SLC8A1: variants seen among roughly 807,000 people sequenced by gnomAD.
SLC8A1 encodes sodium/calcium exchanger 1.
In SLC8A1, 18 loss-of-function variants were observed where a neutral mutation model predicts 68.3. That is an observed-to-expected ratio of 0.26 (90% CI 0.18 to 0.39). SLC8A1 has a LOEUF of 0.39. Ranked by LOEUF, SLC8A1 falls within the 10% of genes least tolerant of loss-of-function variation. SLC8A1 has a pLI of 1.00. For synonymous variants in SLC8A1, 475 were observed against 415.5 expected (o/e 1.14, Z -1.74); for missense variants, 985 against 1,156.7 (o/e 0.85, Z 2.15).
intron 2 of SLC8A1, among the ~76,000 whole-genome samples, chr2:40,271,843 C>G (rs2066070587): frequency 6.6e-6 from 1 of 152,014 alleles, no homozygotes; most frequent in Non-Finnish European, 1.5e-5. Flanking sequence ...TTACTGATGA[C>G]CAAAGTTTAT....
intron 4 of SLC8A1, 51 bp downstream of exon 6, chr2:40,174,655 G>A (rs1289046279): frequency 7.0e-7 from 1 of 1,427,424 alleles, no homozygotes; most frequent in Non-Finnish European, 9.7e-7. Context: ...TTGGATTGAT[G>A]GTTAAGGGTA....
At chr2:40,244,751 C>T (rs2061643739) in intron 2 of SLC8A1, among the ~76,000 whole-genome samples, 1 of 152,094 alleles carries the variant, frequency 6.6e-6, no homozygotes, top group African/African-American at 2.4e-5. Context: ...CCCCAGTCAG[C>T]CTTGGGGAGA....
At position 40,327,591 on chromosome 2, in the gene SLC8A1, A is replaced by AC. The variant is rs1378098471; in HGVS notation, c.1808+100881dup. On this transcript the variant is annotated intron_variant, in intron 2 of 7. Transcript: ENST00000406785. ...GAATACTATGCAACCATAAAAAAAAACATGTTCTTTGCAGCAACATGGATG... is the reference window on the plus strand; with the variant it reads ...GAATACTATGCAACCATAAAAAAAAACCATGTTCTTTGCAGCAACATGGATG... Among the ~76,000 whole-genome samples, 16 of 152,222 alleles carry AC rather than the reference A, an allele frequency of 1.1e-4. 1 individual carries two copies. The East Asian group carries it at 2.9e-3, about 28-fold the overall frequency.
At chr2:40,373,055 T>TC (rs11385043) in intron 2 of SLC8A1, among the ~76,000 whole-genome samples, 107,606 of 151,728 alleles carry the variant, frequency 0.71, 39,173 homozygotes, top group African/African-American at 0.87. Flanking sequence ...TCAAACTATG[T>TC]CCTAGCCATA....
intron 1 of SLC8A1, among the ~76,000 whole-genome samples, chr2:40,463,643 G>A (rs927161701): frequency 2.0e-4 from 30 of 152,074 alleles, no homozygotes; most frequent in African/African-American, 7.2e-4. Flanking sequence ...GCTATCCCTT[G>A]TCTGGGGTCT....
intron 2 of SLC8A1, among the ~76,000 whole-genome samples, chr2:40,219,888 T>A (rs2058064547): frequency 4.0e-5 from 1 of 25,248 alleles, no homozygotes; most frequent in South Asian, 9.1e-4. Flanking sequence ...TTTTTTTTTT[T>A]TTTTTTTTTT....
At chr2:40,219,666 A>ATAAG (rs1207074417) in intron 2 of SLC8A1, among the ~76,000 whole-genome samples, 1 of 152,200 alleles carries the variant, frequency 6.6e-6, no homozygotes, top group Non-Finnish European at 1.5e-5. Context: ...TTTTATTCTA[A>ATAAG]TAAGTTGTTA....
At chr2:40,132,188 A>G (rs986744277) in intron 7 of SLC8A1, among the ~76,000 whole-genome samples, 1 of 152,190 alleles carries the variant, frequency 6.6e-6, no homozygotes, top group Admixed American at 6.5e-5. Flanking sequence ...AGCATATGCA[A>G]TACTTTAAAA....
chr2:40,314,741 G>A (rs976949507), intron 2 of SLC8A1, among the ~76,000 whole-genome samples: 1 of 151,946 alleles, frequency 6.6e-6, no homozygotes, highest in Admixed American at 6.6e-5. Context: ...TTATCCCCAA[G>A]TATTTTATAT....
intron 2 of SLC8A1, among the ~76,000 whole-genome samples, chr2:40,312,668 G>C (rs2073886029): frequency 6.6e-6 from 1 of 151,970 alleles, no homozygotes; most frequent in African/African-American, 2.4e-5. Flanking sequence ...ACATACATTG[G>C]AAAATACAAG....
chr2:40,502,177 C>A (rs1171451041), intron 1 of SLC8A1, among the ~76,000 whole-genome samples: 1 of 152,062 alleles, frequency 6.6e-6, no homozygotes, highest in Non-Finnish European at 1.5e-5. Flanking sequence ...CTTATAGTCA[C>A]TACAAAACTT....
chr2:40,325,815 G>T (rs568697243), intron 2 of SLC8A1, among the ~76,000 whole-genome samples: 3 of 150,412 alleles, frequency 2.0e-5, no homozygotes, highest in East Asian at 3.9e-4. Context: ...GTAGCTGAGC[G>T]TGGTGGCAGG....
intron 7 of SLC8A1, among the ~76,000 whole-genome samples, chr2:40,125,482 AC>A (rs1022326737): frequency 2.6e-4 from 40 of 152,242 alleles, no homozygotes; most frequent in Middle Eastern, 3.4e-3. Flanking sequence ...ATTTTCCCCC[AC>A]CTACTCGTGT....
At chr2:40,194,079 G>A (rs1220773148) in intron 2 of SLC8A1, among the ~76,000 whole-genome samples, 3 of 152,036 alleles carry the variant, frequency 2.0e-5, no homozygotes, top group South Asian at 2.1e-4. Flanking sequence ...TACGAATTCT[G>A]CTAGAGAAAA....
At chr2:40,429,654 G>A in exon 2 of SLC8A1, 1 of 1,613,756 alleles carries the variant, frequency 6.2e-7, no homozygotes, top group South Asian at 1.1e-5. Context: ...AGATGCTCCA[G>A]GCTGCTGTCA....
intron 2 of SLC8A1, among the ~76,000 whole-genome samples, chr2:40,244,066 C>G (rs1158119776): frequency 2.6e-5 from 4 of 151,960 alleles, no homozygotes; most frequent in African/African-American, 9.7e-5. Flanking sequence ...AAATGAACAT[C>G]TGAGCAATTT....
chr2:40,178,435 A>C, intron 2 of SLC8A1: 1 of 1,613,962 alleles, frequency 6.2e-7, no homozygotes, highest in East Asian at 2.2e-5. Context: ...ATCTCAAGGA[A>C]GAAGGTCTTG....
chr2:40,137,651 G>C (rs183839978), intron 7 of SLC8A1, among the ~76,000 whole-genome samples: 69 of 152,064 alleles, frequency 4.5e-4, no homozygotes, highest in Middle Eastern at 3.4e-3. Flanking sequence ...CCTTCTGCTT[G>C]GTAAATTTCT....
At chr2:40,428,371 G>C in intron 2 of SLC8A1, 102 bp downstream of exon 2, 2 of 1,413,172 alleles carry the variant, frequency 1.4e-6, no homozygotes. Context: ...TTCCTTGCAT[G>C]CTATTTAATT....
Sources: allele counts gnomAD v4.1 joint callset (sites outside exome capture counted in the v4.1 genomes callset), GRCh38; gene constraint gnomAD v4.1.1; transcripts MANE v1.5; gene names NCBI Gene and HGNC (gene_info 2026-07-23, HGNC 2026-07-21).